Variants in GSE1 observed in about 807,000 individuals in gnomAD.
The protein encoded by GSE1 is genetic suppressor element 1.
A neutral mutation model predicts 112.6 loss-of-function variants in GSE1; 32 were observed. The observed-to-expected ratio is 0.28, with a 90% CI of 0.21 to 0.38. GSE1 has a LOEUF of 0.38. Among genes scored for constraint, GSE1 ranks in the 10% least tolerant of loss-of-function variants. The pLI, the probability that GSE1 is intolerant of heterozygous loss-of-function variation, is 1.00. For synonymous variants in GSE1, 1,115 were observed against 735.6 expected, an observed-to-expected ratio of 1.52 and a Z score of -8.35; for missense variants, 2,348 against 1,699.2, an observed-to-expected ratio of 1.38 and a Z score of -6.71.
intron 2 of GSE1, among the ~76,000 whole-genome samples, chr16:85,642,626 G>T (rs1050266596): frequency 2.0e-5 from 3 of 152,218 alleles, no homozygotes; most frequent in African/African-American, 7.2e-5. Context: ...GCTAAGCTCT[G>T]GGCAGCCCCC....
chr16:85,535,178 G>C (rs2044281955), intron 2 of GSE1, among the ~76,000 whole-genome samples: 1 of 152,240 alleles, frequency 6.6e-6, no homozygotes, highest in Non-Finnish European at 1.5e-5. Flanking sequence ...CCTGGGGGAG[G>C]CATGAGGAAG....
intron 1 of GSE1, among the ~76,000 whole-genome samples, chr16:85,344,592 T>C (rs1179594625): frequency 6.6e-6 from 1 of 152,260 alleles, no homozygotes; most frequent in Non-Finnish European, 1.5e-5. Flanking sequence ...GGCCAGGCCC[T>C]GTCCCAGAGC....
At chr16:85,552,753 C>T (rs2044989391), upstream of GSE1, among the ~76,000 whole-genome samples, 1 of 152,234 alleles carries the variant, frequency 6.6e-6, no homozygotes, top group South Asian at 2.1e-4. Context: ...AAGCTTCTTT[C>T]TGGCATAGTC....
At chr16:85,367,841 A>T (rs1016714540) in intron 2 of GSE1, among the ~76,000 whole-genome samples, 33 of 93,484 alleles carry the variant, frequency 3.5e-4, no homozygotes, top group African/African-American at 1.2e-3. Context: ...AGGAAATAAG[A>T]TTCTTTTTTT....
intron 1 of GSE1, among the ~76,000 whole-genome samples, chr16:85,347,852 C>G (rs1463860438): frequency 2.0e-5 from 3 of 152,216 alleles, no homozygotes; most frequent in Non-Finnish European, 4.4e-5. Flanking sequence ...GACAGCAGCT[C>G]CTGGGCTTGG....
intron 2 of GSE1, among the ~76,000 whole-genome samples, chr16:85,414,905 G>C (rs564179353): frequency 1.3e-5 from 2 of 152,272 alleles, no homozygotes; most frequent in East Asian, 1.9e-4. Context: ...CAAAGTGCTG[G>C]GATCACAGGC....
chr16:85,588,722 T>TGCCGTG (rs2046824782), intron 1 of GSE1, among the ~76,000 whole-genome samples: 1 of 152,188 alleles, frequency 6.6e-6, no homozygotes, highest in Non-Finnish European at 1.5e-5. Context: ...CGGCGAAATC[T>TGCCGTG]GCCGTGGCCG....
intron 2 of GSE1, among the ~76,000 whole-genome samples, chr16:85,525,251 C>A (rs2052327825): frequency 1.3e-5 from 1 of 75,982 alleles, no homozygotes; most frequent in Non-Finnish European, 3.1e-5. Flanking sequence ...GCTCACTTGT[C>A]CCCCCCCCAC....
intron 1 of GSE1, among the ~76,000 whole-genome samples, chr16:85,617,181 C>T (rs2048423341): frequency 6.6e-6 from 1 of 152,198 alleles, no homozygotes; most frequent in Non-Finnish European, 1.5e-5. Flanking sequence ...TAACCTGATG[C>T]CTCCCTCGCA....
chr16:85,263,635 T>C (rs1597226401), intron 1 of GSE1, among the ~76,000 whole-genome samples: 1 of 148,924 alleles, frequency 6.7e-6, no homozygotes, highest in South Asian at 2.1e-4. Flanking sequence ...TGCAATGGAG[T>C]GATTTTGGCT....
intron 2 of GSE1, among the ~76,000 whole-genome samples, chr16:85,495,992 C>T (rs888666020): frequency 2.0e-5 from 3 of 152,186 alleles, no homozygotes; most frequent in African/African-American, 4.8e-5. Flanking sequence ...TCAAAAGCCG[C>T]GGGGGGACCT....
At chr16:85,651,085 C>A in intron 3 of GSE1, among the ~76,000 whole-genome samples, 1 of 140,496 alleles carries the variant, frequency 7.1e-6, no homozygotes, top group Non-Finnish European at 1.6e-5. Flanking sequence ...CCTCCCCCTC[C>A]CCCTCCGCCT....
chr16:85,656,066 C>T (rs571776512), intron 6 of GSE1, 149 bp downstream of exon 6: 3 of 709,834 alleles, frequency 4.2e-6, no homozygotes, highest in Non-Finnish European at 6.9e-6. Flanking sequence ...AATGATCGTT[C>T]AGGCTCTGCT....
At chr16:85,564,264 T>C (rs2045644724) in intron 1 of GSE1, among the ~76,000 whole-genome samples, 1 of 152,084 alleles carries the variant, frequency 6.6e-6, no homozygotes, top group Non-Finnish European at 1.5e-5. Flanking sequence ...GGAAGGAGGC[T>C]AACACAGTGA....
chr16:85,632,997 G>A (rs2049668080), intron 1 of GSE1, among the ~76,000 whole-genome samples: 2 of 145,162 alleles, frequency 1.4e-5, no homozygotes, highest in Admixed American at 1.4e-4. Context: ...GGCTGCCCCT[G>A]GGCTCAGACC....
intron 2 of GSE1, among the ~76,000 whole-genome samples, chr16:85,434,220 A>G (rs990323145): frequency 6.6e-6 from 1 of 151,936 alleles, no homozygotes; most frequent in African/African-American, 2.4e-5. Context: ...TCTGTGACAT[A>G]CTAAGGGTCC....
intron 1 of GSE1, among the ~76,000 whole-genome samples, chr16:85,182,541 G>T (rs182995761): frequency 6.6e-6 from 1 of 152,214 alleles, no homozygotes; most frequent in African/African-American, 2.4e-5. Context: ...TTTGGGGTCA[G>T]TGCAGGGTCT....
intron 1 of GSE1, among the ~76,000 whole-genome samples, chr16:85,318,407 G>T (rs144162994): frequency 6.6e-6 from 1 of 152,142 alleles, no homozygotes; most frequent in Non-Finnish European, 1.5e-5. Context: ...GGGACAGCAG[G>T]CATGCACCAC....
chr16:85,562,023 G>C (rs1019249630), intron 1 of GSE1, among the ~76,000 whole-genome samples: 1 of 152,258 alleles, frequency 6.6e-6, no homozygotes, highest in Non-Finnish European at 1.5e-5. Context: ...CCTCAGGCTT[G>C]TCATGGGACG....
Sources: gnomAD v4.1 joint callset for allele counts (sites outside exome capture counted in the v4.1 genomes callset) on GRCh38, gnomAD v4.1.1 for gene constraint, MANE v1.5 for transcripts, NCBI Gene and HGNC (gene_info 2026-07-23, HGNC 2026-07-21) for gene names.